ADAMTSL3: variants seen among roughly 807,000 people sequenced by gnomAD.
The protein encoded by ADAMTSL3 is ADAMTS-like protein 3.
Under a neutral mutation model 201.7 loss-of-function variants are expected in ADAMTSL3, and 128 were observed. The observed-to-expected ratio is 0.63, with a 90% CI of 0.55 to 0.73. The LOEUF (loss-of-function observed/expected upper bound fraction) is 0.73. Ranked by LOEUF, ADAMTSL3 falls within the 30% of genes least tolerant of loss-of-function variation. The probability of loss-of-function intolerance (pLI) is 0.00; values close to 1 mark genes in which losing one functional copy is unlikely to be tolerated. For synonymous variants in ADAMTSL3, 738 were observed against 748.4 expected (o/e 0.99, Z 0.23); for missense variants, 1,990 against 2,119.6 (o/e 0.94, Z 1.20).
At chr15:83,990,900 G>A (rs559160352) in intron 22 of ADAMTSL3, among the ~76,000 whole-genome samples, 186 bp from the exon 23 acceptor site, 9 of 151,894 alleles carry the variant, frequency 5.9e-5, no homozygotes, top group African/African-American at 1.2e-4. Flanking sequence ...CCATCTGTCC[G>A]TATGTCCACT....
chr15:83,719,757 C>T (rs1249224045), intron 3 of ADAMTSL3, among the ~76,000 whole-genome samples: 2 of 152,052 alleles, frequency 1.3e-5, no homozygotes, highest in African/African-American at 4.8e-5. Flanking sequence ...AAAGTAACAA[C>T]AACAAAACAG....
At chr15:83,779,697 CAAA>C (rs199855902) in intron 4 of ADAMTSL3, among the ~76,000 whole-genome samples, 25,511 of 70,820 alleles carry the variant, frequency 0.36, 2,282 homozygotes, top group South Asian at 0.58. Flanking sequence ...GACTCCATCT[CAAA>C]AAAAAAAAAA....
chr15:83,946,227 G>C (rs11630762), intron 19 of ADAMTSL3, among the ~76,000 whole-genome samples: 45,783 of 152,124 alleles, frequency 0.3, 8,101 homozygotes, highest in Non-Finnish European at 0.4. Context: ...GTGGAGGCTA[G>C]TGGTGACATC....
At chr15:84,004,111 A>G (rs528918617) in intron 23 of ADAMTSL3, among the ~76,000 whole-genome samples, 2 of 152,314 alleles carry the variant, frequency 1.3e-5, no homozygotes, top group East Asian at 1.9e-4. Flanking sequence ...CCCAACTTAT[A>G]TAACCCTGTT....
chr15:83,718,203 G>C (rs1243627629), intron 3 of ADAMTSL3, among the ~76,000 whole-genome samples: 1 of 152,108 alleles, frequency 6.6e-6, no homozygotes, highest in Admixed American at 6.6e-5. Flanking sequence ...CTAGTGCCCA[G>C]GTCATGGTCT....
intron 19 of ADAMTSL3, among the ~76,000 whole-genome samples, chr15:83,947,547 G>T (rs2066676492): frequency 6.6e-6 from 1 of 152,166 alleles, no homozygotes; most frequent in Non-Finnish European, 1.5e-5. Flanking sequence ...CATACCCCTT[G>T]TAGCCTGTTT....
intron 1 of ADAMTSL3, among the ~76,000 whole-genome samples, chr15:83,655,291 C>T (rs762372323): frequency 2.6e-5 from 4 of 152,206 alleles, no homozygotes; most frequent in Non-Finnish European, 4.4e-5. Context: ...CCTAAAATGT[C>T]ACTATCTTGC....
At chr15:83,724,063 T>A (rs1045230768) in intron 3 of ADAMTSL3, among the ~76,000 whole-genome samples, 2 of 151,634 alleles carry the variant, frequency 1.3e-5, no homozygotes, top group Non-Finnish European at 2.9e-5. Context: ...CCCTTCTTGT[T>A]TTTTTTTAAT....
chr15:83,805,265 T>A (rs2063583695), intron 5 of ADAMTSL3, among the ~76,000 whole-genome samples: 1 of 152,134 alleles, frequency 6.6e-6, no homozygotes, highest in African/African-American at 2.4e-5. Flanking sequence ...GCTTTAGAAA[T>A]TTGAAAATAA....
rs564383422 is a variant in ADAMTSL3, at chr15:83,877,111, T to A, written c.960+6152T>A. On this transcript the variant is annotated intron_variant, in intron 9 of 29. Transcript: ENST00000286744. ...GCCCAGCCAAATTAAACAAAAAAAA[T>A]TTTTTTTTTGTAGTAACAGGATCCA... Among the ~76,000 whole-genome samples, 210 of 150,518 alleles carry A rather than the reference T, an allele frequency of 1.4e-3. 1 individual carries two copies. The highest frequency in any genetic ancestry group is 0.014 in the Middle Eastern group (4 of 292).
intron 16 of ADAMTSL3, among the ~76,000 whole-genome samples, chr15:83,920,469 G>T (rs12916203): frequency 0.14 from 21,213 of 152,170 alleles, 1,924 homozygotes; most frequent in Middle Eastern, 0.33. Flanking sequence ...TACAAAACTT[G>T]CATTTTAACA....
At chr15:83,979,294 GAAGT>G (rs1428253716) in intron 20 of ADAMTSL3, among the ~76,000 whole-genome samples, 1 of 152,200 alleles carries the variant, frequency 6.6e-6, no homozygotes, top group Admixed American at 6.5e-5. Context: ...TGCTTGCAAA[GAAGT>G]GAGTTACAAA....
In ADAMTSL3 at chr15:83,819,998, C is replaced by G. The variant is rs771734662; in HGVS notation, c.551C>G (p.Thr184Ser). ...CTGGCACCTAAGGTACTGGATGGAACTCGTTGCAACACGGACTCCTTGGAC... is the reference window on the plus strand; with the variant it reads ...CTGGCACCTAAGGTACTGGATGGAAGTCGTTGCAACACGGACTCCTTGGAC... ...VELAPKVLDG[T>S]RCNTDSLDMC... The change falls in exon 6 of 30, where the codon ACT becomes AGT. Residue 184 changes from threonine (T) to serine (S), a missense_variant. Thr to Ser is a moderately conservative substitution (Grantham distance 58). Transcript: ENST00000286744. 6.2e-6 allele frequency: 10 copies of G among 1,614,028 alleles called. No homozygotes were observed. The highest frequency in any genetic ancestry group is 7.6e-6 in the Non-Finnish European group (9 of 1,180,034).
intron 8 of ADAMTSL3, among the ~76,000 whole-genome samples, chr15:83,869,946 C>CCT (rs930605946): frequency 2.6e-5 from 4 of 151,890 alleles, no homozygotes; most frequent in Non-Finnish European, 5.9e-5. Flanking sequence ...TTTTTTGTTG[C>CCT]CTCTCTCAAC....
chr15:83,919,841 T>C (rs143756709), intron 16 of ADAMTSL3, among the ~76,000 whole-genome samples: 4 of 152,240 alleles, frequency 2.6e-5, no homozygotes, highest in East Asian at 1.9e-4. Context: ...TCTTAAATCA[T>C]TGGAAGGGCA....
chr15:83,930,811 T>C (rs1352633406), intron 17 of ADAMTSL3, among the ~76,000 whole-genome samples: 1 of 152,238 alleles, frequency 6.6e-6, no homozygotes, highest in Non-Finnish European at 1.5e-5. Flanking sequence ...CAAAAATGTT[T>C]TAGGTTCTAG....
At chr15:83,708,623 C>T (rs2061887772) in intron 3 of ADAMTSL3, among the ~76,000 whole-genome samples, 1 of 152,200 alleles carries the variant, frequency 6.6e-6, no homozygotes, top group Admixed American at 6.5e-5. Context: ...TATAATCTAA[C>T]AGAACTATTT....
At chr15:83,962,961 C>T (rs1321979159) in intron 19 of ADAMTSL3, among the ~76,000 whole-genome samples, 1 of 152,208 alleles carries the variant, frequency 6.6e-6, no homozygotes, top group East Asian at 1.9e-4. Context: ...AGGGACTGTG[C>T]TGTGAGGAAT....
intron 4 of ADAMTSL3, among the ~76,000 whole-genome samples, chr15:83,775,834 C>G (rs2063063718): frequency 6.6e-6 from 1 of 152,192 alleles, no homozygotes; most frequent in African/African-American, 2.4e-5. Flanking sequence ...ATTGCTCTTT[C>G]CTCAGCTCTG....
Sources: allele counts gnomAD v4.1 joint callset (sites outside exome capture counted in the v4.1 genomes callset), GRCh38; gene constraint gnomAD v4.1.1; transcripts MANE v1.5; gene names NCBI Gene and HGNC (gene_info 2026-07-23, HGNC 2026-07-21).